Variants in STRAP observed in about 807,000 individuals in gnomAD.
STRAP encodes serine/threonine kinase receptor associated protein, also known as serine-threonine kinase receptor-associated protein.
In STRAP, 16 loss-of-function variants were observed where a neutral mutation model predicts 47.0. That is an observed-to-expected ratio of 0.34 (90% confidence interval 0.23 to 0.52). STRAP has a LOEUF of 0.52. STRAP is among the 20% of genes least tolerant of loss of function. STRAP has a pLI of 0.96. For synonymous variants in STRAP, 130 were observed against 142.7 expected (o/e 0.91, Z 0.63); for missense variants, 293 against 420.0 (o/e 0.70, Z 2.64).
At position 15,903,076 on chromosome 12, in the gene STRAP, CA is replaced by C. The variant is rs1948118571; in HGVS notation, c.*99del. The stretch of plus-strand genomic sequence containing the variant: ...AGTTACTGTCTGCTTAAGGCAGAAA[CA>C]GCAGTAAATAATGAGGAAAATGAAT... On this transcript the variant is annotated 3_prime_UTR_variant, in exon 10 of 10. Transcript: ENST00000419869. 7.8e-7 allele frequency: 1 copy of C among 1,290,102 alleles called. No individual in the cohort carries two copies. The highest frequency in any genetic ancestry group is 1.0e-6 in the Non-Finnish European group (1 of 967,346). 79.9% of individuals were successfully genotyped at this position (1,290,102 alleles called of 1,614,324 possible).
chr12:15,895,656 G>A (rs1320898824), intron 6 of STRAP, among the ~76,000 whole-genome samples, 160 bp downstream of exon 6: 1 of 151,668 alleles, frequency 6.6e-6, no homozygotes, highest in East Asian at 1.9e-4. Context: ...GTGGGAGGAT[G>A]GCTTGAGATC....
chr12:15,884,255 G>A (rs1350116758), intron 2 of STRAP, among the ~76,000 whole-genome samples: 1 of 152,112 alleles, frequency 6.6e-6, no homozygotes, highest in Non-Finnish European at 1.5e-5. Flanking sequence ...GTTCCTTCAT[G>A]TAGTAACTGT....
rs1948040322 is a variant in STRAP at position 15,894,119 on chromosome 12, T to C, written c.476T>C (p.Leu159Pro). Residue 159 changes from leucine (L) to proline (P), a missense_variant, in exon 5 of 10, where the codon CTT becomes CCT. Leu to Pro is a moderately conservative substitution (Grantham distance 98). Coordinates refer to ENST00000419869, the MANE Select transcript of STRAP (RefSeq NM_007178.4). This position sits in a 1 kb window ranked among gnomAD's most constrained non-coding sequence, Gnocchi z 4.9. ...TGGTGCAGTGAGGATAAACAGATTC[T>C]TTCTGCTGATGACAAAACTGTTCGG... ...ALWCSEDKQI[L>P]SADDKTVRLW... 1 of 1,613,348 alleles carries C rather than the reference T, an allele frequency of 6.2e-7. No individual in the cohort carries two copies. The highest frequency in any genetic ancestry group is 8.5e-7 in the Non-Finnish European group (1 of 1,179,784).
At chr12:15,898,254 C>A (rs1363879829) in intron 7 of STRAP, 2 of 251,780 alleles carry the variant, frequency 7.9e-6, no homozygotes, top group Non-Finnish European at 7.4e-6. Flanking sequence ...AACTAAAGTT[C>A]ATCATTATGC....
chr12:15,898,398 A>T (rs905273452), intron 7 of STRAP: 2 of 156,056 alleles, frequency 1.3e-5, no homozygotes, highest in Non-Finnish European at 2.8e-5. Context: ...TGGGTGTATA[A>T]CCCCATCTAC....
At chr12:15,883,976 T>C (rs1354828262) in intron 2 of STRAP, among the ~76,000 whole-genome samples, 2 of 152,216 alleles carry the variant, frequency 1.3e-5, no homozygotes, top group African/African-American at 4.8e-5. Flanking sequence ...TTACGAATGC[T>C]GCTCTGTGTG....
At position 15,897,892 on chromosome 12, in the gene STRAP, A is replaced by G. The variant is rs1472055918; in HGVS notation, c.649A>G (p.Ile217Val). 3.2e-6 allele frequency: 5 copies of G among 1,546,326 alleles called. No homozygotes were observed. The highest frequency in any genetic ancestry group is 2.2e-4 in the Middle Eastern group (1 of 4,640). ...AFHSAVSLDP[I>V]KSFEAPATIN... ...TAAATTTTTTTTCAGTTTGGACCCA[A>G]TTAAATCCTTTGAAGCTCCTGCAAC... The change falls in exon 7 of 10, where the codon ATT becomes GTT. Residue 217 changes from isoleucine to valine, a missense_variant. By Grantham distance (29) the Ile-to-Val change is conservative. Coordinates refer to ENST00000419869, the MANE Select transcript of STRAP (RefSeq NM_007178.4).
Position 15,894,711 on chromosome 12 carries a change from T to C in STRAP, c.500+568T>C, listed in dbSNP as rs570568553. On this transcript the variant is annotated intron_variant, in intron 5 of 9. Transcript: ENST00000419869. The surrounding 1 kb of genome is among the most constrained non-coding windows in gnomAD (Gnocchi z 4.9). ...TAAAGGAAATGCTCATTGGAGCATT[T>C]TGAATTTCCTATTTTCAGGTTAGGA... Among the ~76,000 whole-genome samples, 8 of 152,328 alleles carry C rather than the reference T, an allele frequency of 5.3e-5. No individual in the cohort carries two copies. The East Asian group carries it at 7.7e-4, about 15-fold the overall frequency.
At chr12:15,902,106 G>C (rs972128716) in intron 9 of STRAP, among the ~76,000 whole-genome samples, 1 of 152,016 alleles carries the variant, frequency 6.6e-6, no homozygotes, top group Non-Finnish European at 1.5e-5. Flanking sequence ...CTCCTGGGTA[G>C]TTGGGATTAC....
chr12:15,885,338 G>A (rs371331919), intron 2 of STRAP, among the ~76,000 whole-genome samples: 26 of 151,748 alleles, frequency 1.7e-4, no homozygotes, highest in Middle Eastern at 6.8e-3. Context: ...ACAGGTGCAC[G>A]CCACCACGCC....
intron 9 of STRAP, among the ~76,000 whole-genome samples, chr12:15,901,417 G>C (rs1948102361): frequency 6.6e-6 from 1 of 152,128 alleles, no homozygotes; most frequent in Non-Finnish European, 1.5e-5. Flanking sequence ...GGATGGAAAA[G>C]TTCATAGCAG....
chr12:15,900,074 T>A, intron 8 of STRAP, 21 bp downstream of exon 8: 3 of 1,589,464 alleles, frequency 1.9e-6, no homozygotes, highest in Non-Finnish European at 2.6e-6. Context: ...TTATTCAGAA[T>A]AATAAAATTT....
rs745503480 is a variant in STRAP at position 15,895,390 on chromosome 12, A to G, written c.532A>G (p.Lys178Glu). 6.3e-7 allele frequency: 1 copy of G among 1,594,222 alleles called. No individual in the cohort carries two copies. Residue 178 changes from lysine (K) to glutamate (E), a missense_variant, in exon 6 of 10, where the codon AAA (lysine) becomes GAA (glutamate). By Grantham distance (56) the Lys-to-Glu change is moderately conservative (BLOSUM62 1). Transcript: ENST00000419869. ...GGATCATGCTACTATGACAGAAGTG[A>G]AATCTCTAAATTTTAATATGTCTGT... ...LWDHATMTEV[K>E]SLNFNMSVSS... is the part of the protein sequence containing the mutation.
At chr12:15,902,131 G>A (rs375565938) in intron 9 of STRAP, among the ~76,000 whole-genome samples, 30 of 151,910 alleles carry the variant, frequency 2.0e-4, no homozygotes, top group East Asian at 1.2e-3. Flanking sequence ...GCACCACCAC[G>A]CCTGGCTAAT....
In STRAP at chr12:15,887,875, T is replaced by A. The variant is rs1443488723; in HGVS notation, c.249-2053T>A. Reference sequence around the variant, plus strand: ...GGTTTTAAGTTTATGGGAGATTATTTAATAAACTTGAAATTAGCATATCAA... The same window carrying A: ...GGTTTTAAGTTTATGGGAGATTATTAAATAAACTTGAAATTAGCATATCAA... On this transcript the variant is annotated intron_variant, in intron 2 of 9. Transcript: ENST00000419869. This position sits in a 1 kb window ranked among gnomAD's most constrained non-coding sequence, Gnocchi z 5.5. Among the ~76,000 whole-genome samples, 1 of 152,212 alleles carries A rather than the reference T, an allele frequency of 6.6e-6. No individual in the cohort carries two copies. Among genetic ancestry groups the A allele is most frequent in the Non-Finnish European group, 1.5e-5 (1 of 68,034 alleles).
chr12:15,883,806 C>A, intron 2 of STRAP, 130 bp downstream of exon 2: 1 of 1,264,284 alleles, frequency 7.9e-7, no homozygotes, highest in Non-Finnish European at 1.1e-6. Flanking sequence ...ATGTTTGATC[C>A]CACCAAAATT....
chr12:15,897,733 GC>G, intron 6 of STRAP, 148 bp from the exon 7 acceptor site: 2 of 143,930 alleles, frequency 1.4e-5, no homozygotes, highest in Non-Finnish European at 2.4e-5. Context: ...TTTTTTTTTT[GC>G]TAACAGCTTT....
At position 15,894,009 on chromosome 12, in the gene STRAP, T is replaced by C. The variant is rs1374512485; in HGVS notation, c.404-38T>C. ...CGATATTGTTCAGTTTAAAAAATCA[T>C]ATATTAACAAATGTACTTTAAATTG... On this transcript the variant is annotated intron_variant, in intron 4 of 9. Transcript: ENST00000419869. This position sits in a 1 kb window ranked among gnomAD's most constrained non-coding sequence, Gnocchi z 4.9. 9.8e-6 allele frequency: 14 copies of C among 1,428,322 alleles called. No homozygotes were observed. The highest frequency in any genetic ancestry group is 3.7e-5 in the Admixed American group (2 of 54,328). 88.5% of individuals were successfully genotyped at this position (1,428,322 alleles called of 1,614,324 possible).
In STRAP at chr12:15,890,832, G is replaced by T. The variant is rs1258004633; in HGVS notation, c.403+163G>T. On this transcript the variant is annotated intron_variant, in intron 4 of 9. Coordinates refer to ENST00000419869, the MANE Select transcript of STRAP (RefSeq NM_007178.4). This position sits in a 1 kb window ranked among gnomAD's most constrained non-coding sequence, Gnocchi z 4.5. ...CCTAGCACTTTGGGAGACTGAGGCG[G>T]GTGGATCACTTGAGGTCAGGAGTTC... 3.3e-5 allele frequency among the ~76,000 whole-genome samples: 5 copies of T among 152,120 alleles called. No individual in the cohort carries two copies. The highest frequency in any genetic ancestry group is 7.3e-5 in the Non-Finnish European group (5 of 68,028).
Sources: allele counts gnomAD v4.1 joint callset (sites outside exome capture counted in the v4.1 genomes callset), GRCh38; gene constraint gnomAD v4.1.1; non-coding constraint Gnocchi (gnomAD v3.1); transcripts MANE v1.5; gene names NCBI Gene and HGNC (gene_info 2026-07-23, HGNC 2026-07-21).